The following NRXN1 variants were observed in gnomAD, a reference collection of about 807,000 sequenced individuals.
NRXN1 encodes neurexin 1, also known as neurexin-1.
NRXN1 carries 39 observed loss-of-function variants against 150.9 expected under a neutral mutation model. The ratio of observed to expected loss-of-function variants is 0.26; its 90% CI spans 0.20 to 0.34. The LOEUF is 0.34. NRXN1 is among the 10% of genes least tolerant of loss of function. The probability of loss-of-function intolerance (pLI) is 1.00; values close to 1 mark genes in which losing one functional copy is unlikely to be tolerated. For synonymous variants in NRXN1, 924 were observed against 757.0 expected (o/e 1.22, Z -3.62); for missense variants, 1,815 against 1,949.9 (o/e 0.93, Z 1.30).
chr2:50,693,689 A>G (rs1336282005), intron 5 of NRXN1, among the ~76,000 whole-genome samples: 1 of 152,196 alleles, frequency 6.6e-6, no homozygotes, highest in Non-Finnish European at 1.5e-5. Context: ...CTAGGACCTA[A>G]TATCTATATT....
intron 15 of NRXN1, among the ~76,000 whole-genome samples, chr2:50,484,735 G>T (rs1216431381): frequency 2.0e-5 from 3 of 152,200 alleles, no homozygotes; most frequent in African/African-American, 7.2e-5. Context: ...CCAATATATA[G>T]ATGCTATGCA....
At chr2:50,802,837 G>A (rs987035341) in intron 5 of NRXN1, among the ~76,000 whole-genome samples, 3 of 152,120 alleles carry the variant, frequency 2.0e-5, no homozygotes, top group Non-Finnish European at 4.4e-5. Context: ...TGTGAAGACA[G>A]AGAACTGGAG....
At chr2:50,745,027 C>A (rs1254466969) in intron 5 of NRXN1, among the ~76,000 whole-genome samples, 1 of 152,106 alleles carries the variant, frequency 6.6e-6, no homozygotes, top group East Asian at 1.9e-4. Flanking sequence ...TCCAACTGAG[C>A]ATGCGGCTGG....
At chr2:50,398,100 T>G (rs997926786) in intron 17 of NRXN1, among the ~76,000 whole-genome samples, 4 of 152,146 alleles carry the variant, frequency 2.6e-5, no homozygotes, top group African/African-American at 9.7e-5. Flanking sequence ...CTGTGACATT[T>G]TCAGGATCAT....
intron 15 of NRXN1, among the ~76,000 whole-genome samples, chr2:50,484,933 CTTT>C (rs1225376291): frequency 2.0e-5 from 3 of 152,092 alleles, no homozygotes; most frequent in African/African-American, 7.2e-5. Flanking sequence ...TAAATGTTAG[CTTT>C]TCACTGTAGA....
At chr2:49,977,641 G>C (rs1274493235) in intron 21 of NRXN1, among the ~76,000 whole-genome samples, 5 of 152,188 alleles carry the variant, frequency 3.3e-5, no homozygotes, top group Non-Finnish European at 7.4e-5. Flanking sequence ...AAAACAGCAA[G>C]TGAGGATGAA....
chr2:50,255,984 G>T (rs2067662999), intron 17 of NRXN1, among the ~76,000 whole-genome samples: 1 of 152,122 alleles, frequency 6.6e-6, no homozygotes, highest in African/African-American at 2.4e-5. Context: ...TTGGGTAGAT[G>T]CTATTGAAAT....
intron 18 of NRXN1, among the ~76,000 whole-genome samples, chr2:50,189,991 A>G (rs561898056): frequency 2.6e-5 from 4 of 152,296 alleles, no homozygotes; most frequent in African/African-American, 7.2e-5. Context: ...AAGTGGTATG[A>G]GATTAGTAGC....
At chr2:50,831,084 G>A (rs1002146657) in intron 5 of NRXN1, among the ~76,000 whole-genome samples, 9 of 151,944 alleles carry the variant, frequency 5.9e-5, no homozygotes, top group Admixed American at 1.3e-4. Flanking sequence ...TTATCCTTTC[G>A]GTTACAAACA....
chr2:50,663,466 T>C (rs1183281350), intron 5 of NRXN1, among the ~76,000 whole-genome samples: 1 of 152,056 alleles, frequency 6.6e-6, no homozygotes, highest in Admixed American at 6.6e-5. Flanking sequence ...CTGCCTATTC[T>C]AACCTGACCC....
At chr2:50,804,567 A>G (rs557686731) in intron 5 of NRXN1, among the ~76,000 whole-genome samples, 2 of 152,318 alleles carry the variant, frequency 1.3e-5, no homozygotes, top group African/African-American at 4.8e-5. Context: ...CCCTTGCCAT[A>G]AAGTCAGCAT....
chr2:50,956,166 A>C lies in NRXN1; in HGVS notation c.773-30211T>G, dbSNP rs188761205. Among the ~76,000 whole-genome samples the C allele has an allele frequency of 6.5e-4, 99 of 152,192 alleles. 1 individual carries two copies. The highest frequency in any genetic ancestry group is 2.2e-3 in the African/African-American group (93 of 41,512). On this transcript the variant is annotated intron_variant, in intron 2 of 22. Transcript: ENST00000401669. ...ACACAACAGTAACATATTTTGAGAGAGAGAGATCACATTCACATAATTTTT... is the reference window on the plus strand; with the variant it reads ...ACACAACAGTAACATATTTTGAGAGCGAGAGATCACATTCACATAATTTTT...
In NRXN1 at chr2:50,733,159, G is replaced by A. The variant is rs188590606; in HGVS notation, c.833-109544C>T. Among the ~76,000 whole-genome samples, 11 of 152,246 alleles carry A rather than the reference G, an allele frequency of 7.2e-5. No individual in the cohort carries two copies. The East Asian group carries it at 1.9e-3, about 27-fold the overall frequency. On this transcript the variant is annotated intron_variant, in intron 5 of 22. Transcript: ENST00000401669. ...ATTTGGAGCTTTAAATGACACAACA[G>A]GGAAACATTTGTGTAGACTGAAATC... is the stretch of plus-strand genomic sequence containing the variant.
rs957998744 is a variant in NRXN1 at position 51,028,436 on chromosome 2, C to T, written c.-163G>A. On this transcript the variant is annotated 5_prime_UTR_variant, in exon 2 of 23. Transcript: ENST00000401669. Reference sequence around the variant, plus strand: ...TTTATCTAGTTCTTTTTTTCTTCTTCTTCTTCCAATAACCCCGCCCTCTCT... The same window carrying T: ...TTTATCTAGTTCTTTTTTTCTTCTTTTTCTTCCAATAACCCCGCCCTCTCT... 2.1e-6 allele frequency: 1 copy of T among 467,498 alleles called. No homozygotes were observed. The allele number at this position is 467,498 out of a possible 1,614,324, so 29.0% of individuals were successfully genotyped here.
At chr2:50,934,917 A>G (rs1238852748) in intron 2 of NRXN1, among the ~76,000 whole-genome samples, 2 of 152,156 alleles carry the variant, frequency 1.3e-5, no homozygotes, top group African/African-American at 4.8e-5. Flanking sequence ...TCTTTTCATC[A>G]TAAGTCTTTT....
rs1558537169 is a variant in NRXN1, at chr2:50,329,661, ATATATATATATATTT to A, written c.3365-92706_3365-92692del. ...TATATATATATATATATATATATAT[ATATATATATATATTT>A]TTTTTTTTCCCCCCCGAGACGGAGT... On this transcript the variant is annotated intron_variant, in intron 17 of 22. Transcript: ENST00000401669. Among the ~76,000 whole-genome samples the A allele has an allele frequency of 7.1e-4, 20 of 28,006 alleles. 3 individuals carry two copies. The highest frequency in any genetic ancestry group is 2.0e-3 in the African/African-American group (10 of 5,072). 18.4% of individuals were successfully genotyped at this position (28,006 alleles called of 152,430 possible). A position where few individuals can be genotyped will look rare whatever the true frequency, so the allele number is the denominator to read the frequency against.
intron 2 of NRXN1, among the ~76,000 whole-genome samples, chr2:50,981,268 C>T (rs1393852979): frequency 6.6e-6 from 1 of 151,410 alleles, no homozygotes; most frequent in Non-Finnish European, 1.5e-5. Context: ...ACCAGCCTGG[C>T]CAACATGGTG....
chr2:50,920,874 A>G (rs1685929512), intron 5 of NRXN1, among the ~76,000 whole-genome samples: 1 of 151,698 alleles, frequency 6.6e-6, no homozygotes, highest in South Asian at 2.1e-4. Flanking sequence ...ACACATTTAA[A>G]ATTGATATCA....
chr2:51,017,483 C>T (rs906752047), intron 2 of NRXN1, among the ~76,000 whole-genome samples: 4 of 132,620 alleles, frequency 3.0e-5, no homozygotes, highest in Admixed American at 8.1e-5. Context: ...CTACAATACA[C>T]GTATGGCCAC....
Sources: allele counts gnomAD v4.1 joint callset (sites outside exome capture counted in the v4.1 genomes callset), GRCh38; gene constraint gnomAD v4.1.1; transcripts MANE v1.5; gene names NCBI Gene and HGNC (gene_info 2026-07-23, HGNC 2026-07-21).